The following TRIM33 variants were observed in gnomAD, a reference collection of about 807,000 sequenced individuals.
TRIM33 encodes the protein E3 ubiquitin-protein ligase TRIM33.
Under a neutral mutation model 125.4 loss-of-function variants are expected in TRIM33, and 20 were observed. The observed-to-expected ratio is 0.16, with a 90% CI of 0.11 to 0.23. The LOEUF is 0.23. TRIM33 is among the 10% of genes least tolerant of loss of function. The pLI is 1.00. For missense variants in TRIM33, 920 were observed against 1,411.4 expected (o/e 0.65, Z 5.58); for synonymous variants, 564 against 513.9 (o/e 1.10, Z -1.32).
intron 11 of TRIM33, chr1:114,420,481 G>GC (rs1167140196): frequency 6.7e-6 from 8 of 1,196,378 alleles, no homozygotes; most frequent in Non-Finnish European, 7.9e-6. Flanking sequence ...GGAGTAACTA[G>GC]CCTTTTAGCA....
intron 10 of TRIM33, among the ~76,000 whole-genome samples, chr1:114,424,079 T>C (rs998761323): frequency 1.3e-5 from 2 of 152,100 alleles, no homozygotes; most frequent in African/African-American, 4.8e-5. Flanking sequence ...TTATAAAACA[T>C]GTCTCTAAAC....
At chr1:114,451,238 T>C (rs1046042537) in intron 4 of TRIM33, among the ~76,000 whole-genome samples, 8 of 152,182 alleles carry the variant, frequency 5.3e-5, no homozygotes, top group Non-Finnish European at 7.3e-5. Flanking sequence ...CTATCATCTC[T>C]AGGTACTAGG....
At chr1:114,466,783 G>C (rs1388094312) in intron 1 of TRIM33, among the ~76,000 whole-genome samples, 1 of 152,134 alleles carries the variant, frequency 6.6e-6, no homozygotes, top group African/African-American at 2.4e-5. Flanking sequence ...AACTAAATTA[G>C]GGTTTCTCCA....
chr1:114,447,632 T>A (rs1572065564), intron 4 of TRIM33, among the ~76,000 whole-genome samples: 1 of 152,214 alleles, frequency 6.6e-6, no homozygotes, highest in African/African-American at 2.4e-5. Context: ...CCTAAGACTA[T>A]ACGTATAGAT....
rs144955787 is a variant in TRIM33 at position 114,494,691 on chromosome 1, G to A, written c.526+15860C>T. On this transcript the variant is annotated intron_variant, in intron 1 of 19. Coordinates refer to ENST00000358465, the MANE Select transcript of TRIM33 (RefSeq NM_015906.4). ...AAATGATATTCAAAGGCCAACAGCC[G>A]TACTAAAAGATGTTGGACTTTACCG... Among the ~76,000 whole-genome samples, 84 of 152,244 alleles carry A rather than the reference G, an allele frequency of 5.5e-4. No individual in the cohort carries two copies. In the East Asian group the frequency reaches 0.013, roughly 23 times the overall value.
intron 1 of TRIM33, among the ~76,000 whole-genome samples, chr1:114,497,265 A>G (rs1273758958): frequency 6.6e-6 from 1 of 152,218 alleles, no homozygotes; most frequent in East Asian, 1.9e-4. Context: ...GCTGTGTTCA[A>G]ATAAAAATTT....
At chr1:114,492,355 T>A (rs907164530) in intron 1 of TRIM33, among the ~76,000 whole-genome samples, 1 of 152,202 alleles carries the variant, frequency 6.6e-6, no homozygotes, top group African/African-American at 2.4e-5. Flanking sequence ...TATATACATA[T>A]AACATAAAAT....
rs1232665016 is a variant in TRIM33, at chr1:114,396,131, A to C, written c.*1517T>G. 5.0e-6 allele frequency: 1 copy of C among 201,080 alleles called. No homozygotes were observed. The highest frequency in any genetic ancestry group is 1.0e-5 in the Non-Finnish European group (1 of 97,516). The allele number at this position is 201,080 out of a possible 1,614,324, so 12.5% of individuals were successfully genotyped here. On this transcript the variant is annotated 3_prime_UTR_variant, in exon 20 of 20. Transcript: ENST00000358465. ...TTCTATTTTGGTCTCTGAATATTCT[A>C]ATGTGTCCATACAAAAGTAGGACTA...
chr1:114,474,995 T>A (rs1650890034), intron 1 of TRIM33, among the ~76,000 whole-genome samples: 1 of 151,754 alleles, frequency 6.6e-6, no homozygotes, highest in Non-Finnish European at 1.5e-5. Context: ...TGTATAATAA[T>A]AAAGATATCC....
At chr1:114,484,538 T>C (rs1197577335) in intron 1 of TRIM33, among the ~76,000 whole-genome samples, 2 of 150,816 alleles carry the variant, frequency 1.3e-5, no homozygotes, top group African/African-American at 2.4e-5. Context: ...ACCAGCCTGG[T>C]CAACATGGTG....
intron 6 of TRIM33, among the ~76,000 whole-genome samples, chr1:114,428,454 T>G (rs1399962251): frequency 1.3e-5 from 2 of 152,140 alleles, no homozygotes; most frequent in Non-Finnish European, 2.9e-5. Context: ...CAAAAACCAA[T>G]TTCAGAGAAA....
chr1:114,488,709 G>A (rs1651871751), intron 1 of TRIM33, among the ~76,000 whole-genome samples: 1 of 152,156 alleles, frequency 6.6e-6, no homozygotes, highest in Non-Finnish European at 1.5e-5. Context: ...ACTGCAGTGA[G>A]CTATGATCGC....
rs2101529165 is a variant in TRIM33, at chr1:114,489,767, A to AAAATAAATAAATAAATAAAT, written c.526+20783_526+20784insATTTATTTATTTATTTATTT. On this transcript the variant is annotated intron_variant, in intron 1 of 19. Transcript: ENST00000358465. ...CTCAAAAAATAAATAAATAAATAAA[A>AAAATAAATAAATAAATAAAT]AAAACATGTGCTGCCAACACTGTGA... 2.0e-5 allele frequency among the ~76,000 whole-genome samples: 3 copies of AAAATAAATAAATAAATAAAT among 151,924 alleles called. No homozygotes were observed. The East Asian group carries it at 5.8e-4, about 29-fold the overall frequency.
Position 114,510,807 on chromosome 1 carries a change from G to T in TRIM33, c.270C>A (p.Ala90=). 2.0e-6 allele frequency: 3 copies of T among 1,519,506 alleles called. No homozygotes were observed. Among genetic ancestry groups the T allele is most frequent in the Non-Finnish European group, 2.6e-6 (3 of 1,139,868 alleles). 94.1% of individuals were successfully genotyped at this position (1,519,506 alleles called of 1,614,324 possible). ...GAGCCGGCGTCGATACTGCGCCCCC[G>T]GCAACTCCAGTGCCCACTGAGGCCG... ...SPAASVGTGV[A]GGAVSTPAPA... Residue 90 remains alanine (A), a synonymous_variant, in exon 1 of 20, where the codon GCC becomes GCA. Transcript: ENST00000358465.
At chr1:114,506,251 C>T (rs958326236) in intron 1 of TRIM33, among the ~76,000 whole-genome samples, 1 of 151,820 alleles carries the variant, frequency 6.6e-6, no homozygotes, top group Admixed American at 6.6e-5. Flanking sequence ...GGCATGGTGG[C>T]GGGTGCCTAT....
intron 4 of TRIM33, among the ~76,000 whole-genome samples, chr1:114,435,831 A>C (rs1005216893): frequency 2.0e-5 from 3 of 148,068 alleles, no homozygotes; most frequent in African/African-American, 7.6e-5. Flanking sequence ...AGCCCAAGCA[A>C]TCCTCCTGCA....
chr1:114,422,562 G>A (rs928837451), intron 10 of TRIM33, among the ~76,000 whole-genome samples: 2 of 151,320 alleles, frequency 1.3e-5, no homozygotes, highest in Non-Finnish European at 2.9e-5. Flanking sequence ...CACCACTTTC[G>A]CAACTGCCCT....
chr1:114,467,646 C>A lies in TRIM33; in HGVS notation c.527-3258G>T, dbSNP rs1650385348. Among the ~76,000 whole-genome samples, 4 of 152,166 alleles carry A rather than the reference C, an allele frequency of 2.6e-5. No homozygotes were observed. In the South Asian group the frequency reaches 8.3e-4, roughly 31 times the overall value. ...TACATCAAAGGCCAGGACACAAATA[C>A]ATACCTGTCTGTGTAACTGAAACAA... On this transcript the variant is annotated intron_variant, in intron 1 of 19. Coordinates refer to ENST00000358465, the MANE Select transcript of TRIM33 (RefSeq NM_015906.4).
chr1:114,421,728 A>G lies in TRIM33; in HGVS notation c.1861-92T>C, dbSNP rs1653299427. ...ATAATTTTTAGTTTAGGAAGGAAACAGAAGAAACAAAGAAGTGGGCCCTTT... is the reference window on the plus strand; with the variant it reads ...ATAATTTTTAGTTTAGGAAGGAAACGGAAGAAACAAAGAAGTGGGCCCTTT... On this transcript the variant is annotated intron_variant, in intron 10 of 19. Coordinates refer to ENST00000358465, the MANE Select transcript of TRIM33 (RefSeq NM_015906.4). 6.2e-6 allele frequency: 8 copies of G among 1,285,268 alleles called. No homozygotes were observed. The South Asian group carries it at 9.2e-5, about 15-fold the overall frequency. 79.6% of individuals were successfully genotyped at this position (1,285,268 alleles called of 1,614,324 possible). A position where few individuals can be genotyped will look rare whatever the true frequency, so the allele number is the denominator to read the frequency against.
Sources: gnomAD v4.1 joint callset for allele counts (sites outside exome capture counted in the v4.1 genomes callset) on GRCh38, gnomAD v4.1.1 for gene constraint, MANE v1.5 for transcripts, NCBI Gene and HGNC (gene_info 2026-07-23, HGNC 2026-07-21) for gene names.